HPN: variants seen among roughly 807,000 people sequenced by gnomAD.
HPN encodes the protein hepsin.
A neutral mutation model predicts 55.9 loss-of-function variants in HPN; 13 were observed. The ratio of observed to expected loss-of-function variants is 0.23; its 90% CI spans 0.15 to 0.37. The LOEUF (loss-of-function observed/expected upper bound fraction) is 0.37. Among genes scored for constraint, HPN ranks in the 10% least tolerant of loss-of-function variants. The probability of loss-of-function intolerance (pLI) is 1.00; values close to 1 mark genes in which losing one functional copy is unlikely to be tolerated. For missense variants in HPN, 451 were observed against 575.8 expected, an observed-to-expected ratio of 0.78 and a Z score of 2.22; for synonymous variants, 225 against 240.3, an observed-to-expected ratio of 0.94 and a Z score of 0.59.
intron 2 of HPN, among the ~76,000 whole-genome samples, chr19:35,045,640 G>A (rs971639462): frequency 6.6e-6 from 1 of 151,524 alleles, no homozygotes; most frequent in Non-Finnish European, 1.5e-5. Flanking sequence ...AAGAATTGAT[G>A]TTGACGTGCC....
rs755097746 is a variant in HPN at position 35,042,437 on chromosome 19, G to A, written c.-54-16G>A. On this transcript the variant is annotated splice_polypyrimidine_tract_variant and intron_variant, in intron 1 of 12. Coordinates refer to ENST00000672452, the MANE Select transcript of HPN (RefSeq NM_001384133.1). ...GGGCTCCCCCAGGCCCTGCCTCCCCGTCCATCTCCTCACAGGTCCCACCCT... is the reference window on the plus strand; with the variant it reads ...GGGCTCCCCCAGGCCCTGCCTCCCCATCCATCTCCTCACAGGTCCCACCCT... 97 of 1,560,072 alleles carry A rather than the reference G, an allele frequency of 6.2e-5. No homozygotes were observed. The highest frequency in any genetic ancestry group is 1.8e-4 in the South Asian group (15 of 83,918).
rs763614883 is a variant in HPN at position 35,060,801 on chromosome 19, TCCC to T, written c.797_799del (p.Pro266del). 7 of 1,586,394 alleles carry T rather than the reference TCCC, an allele frequency of 4.4e-6. No homozygotes were observed. The highest frequency in any genetic ancestry group is 6.0e-6 in the Non-Finnish European group (7 of 1,164,998). On this transcript the variant is annotated inframe_deletion, in exon 9 of 13. Transcript: ENST00000672452. Reference sequence around the variant, plus strand: ...ATATTGCCCTGGTCCACCTCTCCAGTCCCCTGCCCCTCACAGGTAAGTCTAAGG... The same window carrying T: ...ATATTGCCCTGGTCCACCTCTCCAGTCTGCCCCTCACAGGTAAGTCTAAGG...
rs780777947 is a variant in HPN at position 35,059,693 on chromosome 19, G to A, written c.181G>A (p.Ala61Thr). ...TGCAGTGCAGGTCAGCTCTGCGGAC[G>A]CTCGGCTCATGGTCTTTGACAAGAC... is the stretch of plus-strand genomic sequence containing the variant. Reference protein sequence around the residue: ...LYPVQVSSADARLMVFDKTEG... With the variant: ...LYPVQVSSADTRLMVFDKTEG... The change falls in exon 5 of 13, where the codon GCT becomes ACT. Residue 61 changes from alanine (A) to threonine (T), a missense_variant. By Grantham distance (58) the Ala-to-Thr change is moderately conservative. Coordinates refer to ENST00000672452, the MANE Select transcript of HPN (RefSeq NM_001384133.1). The A allele has an allele frequency of 3.8e-6, 6 of 1,599,098 alleles. No individual in the cohort carries two copies. The highest frequency in any genetic ancestry group is 3.5e-5 in the Admixed American group (2 of 57,786).
intron 2 of HPN, among the ~76,000 whole-genome samples, chr19:35,043,276 TG>T (rs2151751732): frequency 6.6e-6 from 1 of 152,296 alleles, no homozygotes; most frequent in East Asian, 1.9e-4. Flanking sequence ...TGCTGGCCCT[TG>T]GGAGTCTCTG....
chr19:35,052,706 G>A (rs570124519), intron 4 of HPN, among the ~76,000 whole-genome samples: 33 of 152,206 alleles, frequency 2.2e-4, no homozygotes, highest in Admixed American at 9.8e-4. Flanking sequence ...CTGCCACCCC[G>A]GTAAAACCCT....
chr19:35,041,928 C>T lies in HPN; in HGVS notation c.-55+56C>T, dbSNP rs1480842334. On this transcript the variant is annotated intron_variant, in intron 1 of 12. Coordinates refer to ENST00000672452, the MANE Select transcript of HPN (RefSeq NM_001384133.1). The stretch of plus-strand genomic sequence containing the variant: ...CCAGCCCTGAGGACAGGGGTTCCCT[C>T]ATCCCCCCACCCAGCCTAATGCCCA... 24 of 1,271,422 alleles carry T rather than the reference C, an allele frequency of 1.9e-5. No homozygotes were observed. In the Middle Eastern group the frequency reaches 1.3e-3, roughly 69 times the overall value. The allele number at this position is 1,271,422 out of a possible 1,614,324, so 78.8% of individuals were successfully genotyped here.
At chr19:35,058,888 A>G (rs2064489487) in intron 4 of HPN, among the ~76,000 whole-genome samples, 1 of 152,134 alleles carries the variant, frequency 6.6e-6, no homozygotes, top group African/African-American at 2.4e-5. Context: ...ATAAAATAAA[A>G]TGTTATCAGA....
rs118166793 is a variant in HPN, at chr19:35,055,312, G to A, written c.161-4361G>A. On this transcript the variant is annotated intron_variant, in intron 4 of 12. Transcript: ENST00000672452. ...CTTGGGAGGTTGAGGCGGGAGGATC[G>A]TTTGAGCCCAGGAGGTTGAGGCTGC... Among the ~76,000 whole-genome samples the A allele has an allele frequency of 3.5e-3, 535 of 151,924 alleles. 4 individuals carry two copies. Among genetic ancestry groups the A allele is most frequent in the East Asian group, 0.025 (130 of 5,170 alleles).
upstream of HPN, among the ~76,000 whole-genome samples, chr19:35,041,293 CTGGGGT>C (rs1010174371): frequency 1.1e-4 from 17 of 151,928 alleles, 1 homozygote; most frequent in Non-Finnish European, 1.8e-4. Context: ...GAGGCTGGGG[CTGGGGT>C]TGGGGCCCAG....
upstream of HPN, among the ~76,000 whole-genome samples, chr19:35,041,328 G>A (rs1487132303): frequency 7.9e-5 from 12 of 152,142 alleles, no homozygotes; most frequent in South Asian, 1.2e-3. Flanking sequence ...CAGGGAATTA[G>A]GCAGAGGTGC....
chr19:35,065,630 G>A lies in HPN; in HGVS notation c.999G>A (p.Lys333=), dbSNP rs1233934448. 1 of 1,614,180 alleles carries A rather than the reference G, an allele frequency of 6.2e-7. No homozygotes were observed. Among genetic ancestry groups the A allele is most frequent in the East Asian group, 2.2e-5 (1 of 44,886 alleles). The change falls in exon 11 of 13, where the codon AAG becomes AAA. Residue 333 remains lysine (K), a synonymous_variant. Coordinates refer to ENST00000672452, the MANE Select transcript of HPN (RefSeq NM_001384133.1). ...CTGACTTCTATGGAAACCAGATCAAGCCCAAGATGTTCTGTGCTGGCTACC... is the reference window on the plus strand; with the variant it reads ...CTGACTTCTATGGAAACCAGATCAAACCCAAGATGTTCTGTGCTGGCTACC... ...NGADFYGNQI[K]PKMFCAGYPE... is the part of the protein sequence containing the mutation.
intron 4 of HPN, among the ~76,000 whole-genome samples, chr19:35,053,190 T>C (rs963341737): frequency 6.6e-6 from 1 of 152,112 alleles, no homozygotes; most frequent in African/African-American, 2.4e-5. Flanking sequence ...ACTTTAAAAA[T>C]AGCCAGAGGG....
intron 4 of HPN, among the ~76,000 whole-genome samples, chr19:35,053,655 G>A (rs1315267516): frequency 1.3e-5 from 2 of 152,250 alleles, no homozygotes; most frequent in Non-Finnish European, 2.9e-5. Context: ...TGAGGCATGA[G>A]AATCGCTTGA....
chr19:35,061,263 C>A (rs192967678), intron 9 of HPN, among the ~76,000 whole-genome samples: 2 of 151,424 alleles, frequency 1.3e-5, no homozygotes, highest in South Asian at 2.1e-4. Flanking sequence ...TTTGGGAGGC[C>A]GAGGTGGGTG....
chr19:35,066,096 G>A (rs772159854), intron 12 of HPN, 64 bp downstream of exon 12: 11 of 1,611,100 alleles, frequency 6.8e-6, no homozygotes, highest in Non-Finnish European at 9.3e-6. Flanking sequence ...GGGGAAGGGA[G>A]GCAGAGATTT....
At chr19:35,050,199 C>A (rs757485756) in intron 4 of HPN, among the ~76,000 whole-genome samples, 5 of 152,068 alleles carry the variant, frequency 3.3e-5, no homozygotes, top group Non-Finnish European at 5.9e-5. Flanking sequence ...CTCAGCTCAC[C>A]GCAACCTCTG....
intron 9 of HPN, 108 bp downstream of exon 9, chr19:35,060,925 A>G (rs1421503221): frequency 2.1e-6 from 2 of 930,760 alleles, no homozygotes; most frequent in East Asian, 2.5e-5. Context: ...ATCCTTGGCA[A>G]TAAGGGGAAT....
At chr19:35,049,159 A>G (rs2151756438) in intron 2 of HPN, 131 bp from the exon 3 acceptor site, 1 of 559,416 alleles carries the variant, frequency 1.8e-6, no homozygotes, top group East Asian at 3.1e-5. Context: ...GCCCCGGGAA[A>G]CTGGGCCTGG....
At chr19:35,043,729 A>G (rs1406842218) in intron 2 of HPN, among the ~76,000 whole-genome samples, 2 of 152,170 alleles carry the variant, frequency 1.3e-5, no homozygotes, top group East Asian at 3.9e-4. Flanking sequence ...AAGGCATTGC[A>G]CCCTAGCCGA....
Sources: gnomAD v4.1 joint callset for allele counts (sites outside exome capture counted in the v4.1 genomes callset) on GRCh38, gnomAD v4.1.1 for gene constraint, MANE v1.5 for transcripts, NCBI Gene and HGNC (gene_info 2026-07-23, HGNC 2026-07-21) for gene names.